Variants in VWA8 observed in about 807,000 individuals in gnomAD.
The protein encoded by VWA8 is von Willebrand factor A domain containing 8, also known as von Willebrand factor A domain-containing protein 8.
Under a neutral mutation model 241.5 loss-of-function variants are expected in VWA8, and 221 were observed. The ratio of observed to expected loss-of-function variants is 0.91; its 90% CI spans 0.82 to 1.02. The LOEUF (loss-of-function observed/expected upper bound fraction) is 1.02, where lower values mean the gene tolerates loss of function less well. VWA8 is among the 50% of genes least tolerant of loss of function. The pLI, the probability that VWA8 is intolerant of heterozygous loss-of-function variation, is 0.00. For missense variants in VWA8, 2,322 were observed against 2,328.7 expected (o/e 1.00, Z 0.06); for synonymous variants, 852 against 827.1 (o/e 1.03, Z -0.52).
intron 8 of VWA8, among the ~76,000 whole-genome samples, chr13:41,885,715 T>C (rs1292474266): frequency 6.6e-6 from 1 of 152,220 alleles, no homozygotes; most frequent in African/African-American, 2.4e-5. Context: ...TAGCTCCTAC[T>C]CCAAAGCTGA....
chr13:41,627,743 G>A (rs2044701240), intron 37 of VWA8, among the ~76,000 whole-genome samples: 1 of 152,064 alleles, frequency 6.6e-6, no homozygotes, highest in African/African-American at 2.4e-5. Context: ...ACCACCACTG[G>A]CCATCAAGAA....
chr13:41,657,647 G>A (rs917677040), intron 37 of VWA8, among the ~76,000 whole-genome samples: 4 of 151,760 alleles, frequency 2.6e-5, no homozygotes, highest in Admixed American at 2.0e-4. Context: ...CCGCCACCGC[G>A]CCCGGCTAAT....
intron 2 of VWA8, among the ~76,000 whole-genome samples, chr13:41,945,272 A>G (rs1193632771): frequency 3.3e-5 from 5 of 151,954 alleles, no homozygotes; most frequent in African/African-American, 1.2e-4. Context: ...ATAGACTAGG[A>G]ACATCACTAA....
chr13:41,827,627 G>A lies in VWA8; in HGVS notation c.1700+2902C>T, dbSNP rs188089161. Among the ~76,000 whole-genome samples, 32 of 152,246 alleles carry A rather than the reference G, an allele frequency of 2.1e-4. No homozygotes were observed. In the East Asian group the frequency reaches 4.8e-3, roughly 23 times the overall value. On this transcript the variant is annotated intron_variant, in intron 14 of 44. Transcript: ENST00000379310. The stretch of plus-strand genomic sequence containing the variant: ...TCAAATGAAAATTTTTAAAAAGTAA[G>A]TGAAGGAAAGAAAGCATTGCTATGA...
intron 21 of VWA8, among the ~76,000 whole-genome samples, chr13:41,752,108 A>G (rs374067223): frequency 2.3e-4 from 34 of 150,876 alleles, no homozygotes; most frequent in East Asian, 9.7e-4. Flanking sequence ...CTATTTCAAT[A>G]TGTTCCTTCT....
intron 37 of VWA8, among the ~76,000 whole-genome samples, chr13:41,652,175 C>T (rs1331548601): frequency 1.3e-5 from 2 of 152,152 alleles, no homozygotes; most frequent in African/African-American, 4.8e-5. Flanking sequence ...CATTGCCTGT[C>T]TGGCACCTAT....
chr13:41,959,508 A>AAAC (rs1555249218), intron 1 of VWA8, among the ~76,000 whole-genome samples: 3 of 150,534 alleles, frequency 2.0e-5, no homozygotes, highest in African/African-American at 7.3e-5. Context: ...AAAAAAAAAA[A>AAAC]AACAAAAAGT....
chr13:41,601,862 G>C (rs1045631639), intron 40 of VWA8, among the ~76,000 whole-genome samples: 8 of 152,080 alleles, frequency 5.3e-5, no homozygotes, highest in Non-Finnish European at 1.0e-4. Flanking sequence ...ATCAATGAGT[G>C]GGCCTGAGGC....
chr13:41,863,143 G>T (rs1316742484), intron 12 of VWA8, among the ~76,000 whole-genome samples: 1 of 151,880 alleles, frequency 6.6e-6, no homozygotes, highest in Non-Finnish European at 1.5e-5. Context: ...TCAGCTGCCA[G>T]CCAATATAAA....
intron 20 of VWA8, among the ~76,000 whole-genome samples, chr13:41,764,900 G>A (rs1456522915): frequency 6.6e-6 from 1 of 152,104 alleles, no homozygotes; most frequent in African/African-American, 2.4e-5. Context: ...AAATTGCTCT[G>A]ATGGAATGGT....
At chr13:41,573,510 T>TATATATATATATATATATAC in intron 43 of VWA8, among the ~76,000 whole-genome samples, 1 of 138,736 alleles carries the variant, frequency 7.2e-6, no homozygotes, top group African/African-American at 2.8e-5. Context: ...TATATATACC[T>TATATATATATATATATATAC]CTCTCTATAT....
intron 9 of VWA8, among the ~76,000 whole-genome samples, chr13:41,881,344 C>G (rs1428141579): frequency 1.8e-5 from 2 of 108,962 alleles, no homozygotes; most frequent in Non-Finnish European, 3.4e-5. Flanking sequence ...ATGATCACTG[C>G]TACTAGAACA....
At chr13:41,680,283 A>G (rs1032436610) in intron 35 of VWA8, among the ~76,000 whole-genome samples, 9 of 152,248 alleles carry the variant, frequency 5.9e-5, no homozygotes, top group African/African-American at 1.9e-4. Flanking sequence ...GTTCATATAT[A>G]TTGGGTTTAT....
intron 2 of VWA8, among the ~76,000 whole-genome samples, chr13:41,941,297 T>C (rs981592022): frequency 6.6e-6 from 1 of 152,212 alleles, no homozygotes; most frequent in African/African-American, 2.4e-5. Flanking sequence ...TTTGTGACTA[T>C]GACAAGTACT....
At chr13:41,731,055 A>T (rs997540482) in intron 22 of VWA8, among the ~76,000 whole-genome samples, 1 of 150,984 alleles carries the variant, frequency 6.6e-6, no homozygotes, top group Non-Finnish European at 1.5e-5. Context: ...AAAATAAAAT[A>T]AAATAAATAA....
intron 20 of VWA8, among the ~76,000 whole-genome samples, chr13:41,769,602 ATTGTTG>A (rs998849973): frequency 1.3e-5 from 2 of 152,072 alleles, no homozygotes; most frequent in Non-Finnish European, 2.9e-5. Flanking sequence ...TTATTATATT[ATTGTTG>A]TTGTTGTTGT....
At chr13:41,836,138 T>C (rs1026406568) in intron 12 of VWA8, among the ~76,000 whole-genome samples, 1 of 152,216 alleles carries the variant, frequency 6.6e-6, no homozygotes, top group Admixed American at 6.5e-5. Flanking sequence ...AAAATTCACT[T>C]ATCTATACCC....
At chr13:41,960,600 T>C (rs1878565239) in intron 1 of VWA8, among the ~76,000 whole-genome samples, 1 of 152,186 alleles carries the variant, frequency 6.6e-6, no homozygotes, top group South Asian at 2.1e-4. Flanking sequence ...AAATCACTCT[T>C]CTAGGTCATC....
At chr13:41,760,080 C>G (rs1447794673) in intron 21 of VWA8, among the ~76,000 whole-genome samples, 2 of 151,722 alleles carry the variant, frequency 1.3e-5, no homozygotes, top group African/African-American at 4.8e-5. Flanking sequence ...TAAACATAGA[C>G]TTTATAAGAT....
Sources: allele counts gnomAD v4.1 joint callset (sites outside exome capture counted in the v4.1 genomes callset), GRCh38; gene constraint gnomAD v4.1.1; transcripts MANE v1.5; gene names NCBI Gene and HGNC (gene_info 2026-07-23, HGNC 2026-07-21).